The following CDH2 variants were observed in gnomAD, a reference collection of about 807,000 sequenced individuals.
CDH2 encodes cadherin-2.
Under a neutral mutation model 92.0 loss-of-function variants are expected in CDH2, and 17 were observed. That is an observed-to-expected ratio of 0.18 (90% CI 0.13 to 0.28). CDH2 has a LOEUF of 0.28. Ranked by LOEUF, CDH2 falls within the 10% of genes least tolerant of loss-of-function variation. The probability of loss-of-function intolerance (pLI) is 1.00; values close to 1 mark genes in which losing one functional copy is unlikely to be tolerated. For synonymous variants in CDH2, 419 were observed against 415.9 expected (o/e 1.01, Z -0.09); for missense variants, 862 against 1,133.1 (o/e 0.76, Z 3.44).
chr18:27,985,052 C>T lies in CDH2; in HGVS notation c.2157G>A (p.Gly719=). 1.2e-6 allele frequency: 2 copies of T among 1,614,172 alleles called. No homozygotes were observed. Among genetic ancestry groups the T allele is most frequent in the Non-Finnish European group, 1.7e-6 (2 of 1,180,010 alleles). The change falls in exon 13 of 16, where the codon GGG becomes GGA. Residue 719 remains glycine, a synonymous_variant. Transcript: ENST00000269141. ...TGGCAATGATGGCACCGGTGCCAAG[C>T]CCCGCACCCACAATCCTGTCCACAT... The part of the protein sequence containing the change: ...CTDVDRIVGA[G]LGTGAIIAIL...
At chr18:28,049,142 G>A (rs1400877383) in intron 2 of CDH2, among the ~76,000 whole-genome samples, 1 of 152,038 alleles carries the variant, frequency 6.6e-6, no homozygotes, top group Non-Finnish European at 1.5e-5. Context: ...TTCAAGCAGA[G>A]GGCTTCTGAT....
chr18:28,156,277 T>C (rs2016208802), intron 1 of CDH2, among the ~76,000 whole-genome samples: 1 of 152,228 alleles, frequency 6.6e-6, no homozygotes, highest in African/African-American at 2.4e-5. Flanking sequence ...GCATTGATGC[T>C]GGCACAGGAA....
At chr18:28,141,751 AGC>A (rs2015957380) in intron 2 of CDH2, among the ~76,000 whole-genome samples, 1 of 152,004 alleles carries the variant, frequency 6.6e-6, no homozygotes, top group South Asian at 2.1e-4. Context: ...ATAGATCATT[AGC>A]TCCTCATAGT....
At position 28,044,501 on chromosome 18, in the gene CDH2, C is replaced by T. The variant is rs2014030530; in HGVS notation, c.173-30592G>A. Among the ~76,000 whole-genome samples, 2 of 152,188 alleles carry T rather than the reference C, an allele frequency of 1.3e-5. 1 individual carries two copies. Among genetic ancestry groups the T allele is most frequent in the South Asian group, 4.1e-4 (2 of 4,832 alleles). ...TGCTAAAAACTTTCAATGCTTCCTA[C>T]TGTCAATAAGATAAAATTAAGACTA... On this transcript the variant is annotated intron_variant, in intron 2 of 15. Transcript: ENST00000269141.
At chr18:28,060,976 T>C (rs531542329) in intron 2 of CDH2, among the ~76,000 whole-genome samples, 5 of 152,228 alleles carry the variant, frequency 3.3e-5, no homozygotes, top group Non-Finnish European at 5.9e-5. Flanking sequence ...ATACCAATCT[T>C]ACACCTCTGT....
intron 7 of CDH2, among the ~76,000 whole-genome samples, chr18:28,000,998 T>C (rs994158653): frequency 6.6e-6 from 1 of 152,174 alleles, no homozygotes; most frequent in Admixed American, 6.5e-5. Flanking sequence ...AGATGCATTT[T>C]TTCTATGTTA....
rs777119036 is a variant in CDH2, at chr18:27,985,579, G to A, written c.1924C>T (p.Pro642Ser). The change falls in exon 12 of 16, where the codon CCT (proline) becomes TCT (serine). Residue 642 changes from proline to serine, a missense_variant. Pro to Ser is a moderately conservative substitution (Grantham distance 74). Coordinates refer to ENST00000269141, the MANE Select transcript of CDH2 (RefSeq NM_001792.5). ...CTCTTAATAGTCACTGGAGATAAAG[G>A]AAGATCAAAAGCAAATGGTCCAGCA... is the stretch of plus-strand genomic sequence containing the variant. ...PNAGPFAFDL[P>S]LSPVTIKRNW... The A allele has an allele frequency of 3.1e-6, 5 of 1,613,786 alleles. No individual in the cohort carries two copies. Among genetic ancestry groups the A allele is most frequent in the African/African-American group, 2.7e-5 (2 of 74,896 alleles).
At chr18:28,036,691 C>G in intron 2 of CDH2, 1 of 641,632 alleles carries the variant, frequency 1.6e-6, no homozygotes, top group African/African-American at 1.8e-5. Flanking sequence ...TACTGACCGT[C>G]AGCAAAACAG....
intron 5 of CDH2, among the ~76,000 whole-genome samples, chr18:28,007,945 G>A (rs751100958): frequency 6.6e-6 from 1 of 152,090 alleles, no homozygotes; most frequent in Non-Finnish European, 1.5e-5. Context: ...TGTTGGCCAG[G>A]CTGGTCTGGA....
In CDH2 at chr18:28,112,251, T is replaced by C. The variant is rs574556130; in HGVS notation, c.172+35422A>G. On this transcript the variant is annotated intron_variant, in intron 2 of 15. Coordinates refer to ENST00000269141, the MANE Select transcript of CDH2 (RefSeq NM_001792.5). The stretch of plus-strand genomic sequence containing the variant: ...GTGTCTCCAGAGCTGGTTTGTTTCA[T>C]ATTTTAGCTCCACGGTCACAGGCAA... Among the ~76,000 whole-genome samples, 6 of 152,336 alleles carry C rather than the reference T, an allele frequency of 3.9e-5. No individual in the cohort carries two copies. The South Asian group carries it at 1.2e-3, about 32-fold the overall frequency.
At chr18:27,958,074 G>T (rs1439207761) in intron 15 of CDH2, among the ~76,000 whole-genome samples, 1 of 152,038 alleles carries the variant, frequency 6.6e-6, no homozygotes, top group African/African-American at 2.4e-5. Flanking sequence ...TAGTTCTCAC[G>T]CAATCTTAAA....
At chr18:28,049,376 G>A (rs903603618) in intron 2 of CDH2, among the ~76,000 whole-genome samples, 1 of 152,060 alleles carries the variant, frequency 6.6e-6, no homozygotes, top group South Asian at 2.1e-4. Context: ...TGCTAAACAC[G>A]CTCCTGAAAC....
intron 2 of CDH2, among the ~76,000 whole-genome samples, chr18:28,087,323 A>G (rs1284591477): frequency 1.3e-5 from 2 of 152,208 alleles, no homozygotes; most frequent in Admixed American, 1.3e-4. Context: ...ACAAAGATGT[A>G]AACACAATAA....
Position 28,106,469 on chromosome 18 carries a change from CAG to C in CDH2, c.172+41202_172+41203del, listed in dbSNP as rs2015323951. 4.0e-5 allele frequency among the ~76,000 whole-genome samples: 3 copies of C among 74,322 alleles called. No individual in the cohort carries two copies. In the South Asian group the frequency reaches 1.6e-3, roughly 38 times the overall value. The allele number at this position is 74,322 out of a possible 152,430, so 48.8% of individuals were successfully genotyped here. On this transcript the variant is annotated intron_variant, in intron 2 of 15. Transcript: ENST00000269141. ...ATCTATGTTATGGACATCAACTTAC[CAG>C]AGTTTTTTTTTTTGTTTCTTCCCAG...
intron 2 of CDH2, among the ~76,000 whole-genome samples, chr18:28,023,876 C>T (rs112111403): frequency 8.5e-5 from 13 of 152,260 alleles, no homozygotes; most frequent in Middle Eastern, 3.4e-3. Flanking sequence ...TATGCTAACA[C>T]GGCTCCTTTT....
chr18:28,115,429 A>G (rs572388586), intron 2 of CDH2, among the ~76,000 whole-genome samples: 2 of 152,284 alleles, frequency 1.3e-5, no homozygotes, highest in South Asian at 4.1e-4. Flanking sequence ...AACATCCACC[A>G]GTGACTTAGC....
chr18:28,022,039 G>C (rs2013423880), intron 2 of CDH2, among the ~76,000 whole-genome samples: 1 of 151,930 alleles, frequency 6.6e-6, no homozygotes, highest in Non-Finnish European at 1.5e-5. Context: ...GGGAGAAACT[G>C]CCACAACAGT....
intron 2 of CDH2, among the ~76,000 whole-genome samples, chr18:28,108,690 A>G (rs938504274): frequency 1.3e-5 from 2 of 151,936 alleles, no homozygotes; most frequent in African/African-American, 2.4e-5. Flanking sequence ...CTGTGATACT[A>G]TTTTGCATTA....
chr18:28,012,529 G>GCA (rs985983031), intron 3 of CDH2, among the ~76,000 whole-genome samples: 4 of 152,126 alleles, frequency 2.6e-5, no homozygotes, highest in Non-Finnish European at 2.9e-5. Flanking sequence ...GACCCACTTT[G>GCA]CACATTAGGT....
Sources: gnomAD v4.1 joint callset for allele counts (sites outside exome capture counted in the v4.1 genomes callset) on GRCh38, gnomAD v4.1.1 for gene constraint, MANE v1.5 for transcripts, NCBI Gene and HGNC (gene_info 2026-07-23, HGNC 2026-07-21) for gene names.